POLR3B: variants seen among roughly 807,000 people sequenced by gnomAD.
POLR3B encodes the protein RNA polymerase III subunit B.
Under a neutral mutation model 147.4 loss-of-function variants are expected in POLR3B, and 96 were observed. The observed-to-expected ratio is 0.65, with a 90% CI of 0.55 to 0.77. The LOEUF is 0.77. Ranked by LOEUF, POLR3B falls within the 30% of genes least tolerant of loss-of-function variation. The pLI, the probability that POLR3B is intolerant of heterozygous loss-of-function variation, is 0.00. For synonymous variants in POLR3B, 461 were observed against 485.9 expected, an observed-to-expected ratio of 0.95 and a Z score of 0.67; for missense variants, 1,036 against 1,413.5, an observed-to-expected ratio of 0.73 and a Z score of 4.28.
intron 6 of POLR3B, among the ~76,000 whole-genome samples, chr12:106,375,103 C>T (rs961772026): frequency 1.3e-5 from 2 of 152,154 alleles, no homozygotes; most frequent in African/African-American, 2.4e-5. Context: ...ATACACAAAT[C>T]GAGGTTGGCA....
At chr12:106,436,983 C>A (rs148794163) in intron 16 of POLR3B, 74 bp from the exon 17 acceptor site, 75 of 1,139,908 alleles carry the variant, frequency 6.6e-5, no homozygotes, top group Non-Finnish European at 9.5e-5. Context: ...CCTCATCTCA[C>A]TTTGGTAAAC....
At chr12:106,367,506 T>C (rs2036551073) in intron 4 of POLR3B, among the ~76,000 whole-genome samples, 2 of 152,216 alleles carry the variant, frequency 1.3e-5, no homozygotes, top group African/African-American at 4.8e-5. Context: ...CTTAGTCTCC[T>C]CAATCTTTCT....
chr12:106,507,124 G>A lies in POLR3B; in HGVS notation c.3273-2296G>A, dbSNP rs75509525. On this transcript the variant is annotated intron_variant, in intron 27 of 27. Coordinates refer to ENST00000228347, the MANE Select transcript of POLR3B (RefSeq NM_018082.6). ...AGGTCCAAAAGGAAGACTTCAGGAA[G>A]AAGAAAATCCCTATTAAGGTAATTA... 1.2e-3 allele frequency among the ~76,000 whole-genome samples: 190 copies of A among 152,252 alleles called. 1 individual carries two copies. Among genetic ancestry groups the A allele is most frequent in the African/African-American group, 4.2e-3 (176 of 41,532 alleles).
chr12:106,463,371 A>G (rs928353444), intron 22 of POLR3B, 107 bp from the exon 23 acceptor site: 18 of 966,756 alleles, frequency 1.9e-5, no homozygotes, highest in Non-Finnish European at 2.9e-5. Flanking sequence ...CCAAGATGAA[A>G]ATGTCAGAAT....
At chr12:106,422,058 A>G (rs2037380466) in intron 12 of POLR3B, among the ~76,000 whole-genome samples, 2 of 152,168 alleles carry the variant, frequency 1.3e-5, no homozygotes, top group Admixed American at 6.6e-5. Context: ...CCATTTGTCA[A>G]CTTATCTAAC....
At chr12:106,468,158 A>T (rs537728621) in intron 23 of POLR3B, among the ~76,000 whole-genome samples, 5 of 152,272 alleles carry the variant, frequency 3.3e-5, no homozygotes, top group African/African-American at 1.2e-4. Flanking sequence ...CAGAGATTCA[A>T]CTTCTTCCTG....
intron 7 of POLR3B, among the ~76,000 whole-genome samples, chr12:106,377,268 T>G (rs1197344096): frequency 1.3e-5 from 2 of 152,248 alleles, no homozygotes; most frequent in African/African-American, 2.4e-5. Flanking sequence ...GTTCTTTAAC[T>G]CGTATTTCAC....
chr12:106,407,797 C>T (rs2037169380), intron 11 of POLR3B, among the ~76,000 whole-genome samples: 1 of 152,000 alleles, frequency 6.6e-6, no homozygotes, highest in South Asian at 2.1e-4. Flanking sequence ...CCATTGCACT[C>T]CAGCCTGGGC....
At chr12:106,365,092 G>A (rs868081422) in intron 2 of POLR3B, among the ~76,000 whole-genome samples, 28 of 151,990 alleles carry the variant, frequency 1.8e-4, no homozygotes, top group African/African-American at 6.5e-4. Flanking sequence ...CCGAGATCGC[G>A]CCACTGCACT....
At chr12:106,364,337 A>G (rs1188360875) in intron 2 of POLR3B, among the ~76,000 whole-genome samples, 1 of 152,236 alleles carries the variant, frequency 6.6e-6, no homozygotes, top group African/African-American at 2.4e-5. Context: ...GCTGCTGAAT[A>G]TGATATGATG....
At chr12:106,376,507 C>T (rs1050277118) in intron 7 of POLR3B, 57 bp downstream of exon 7, 15 of 1,214,872 alleles carry the variant, frequency 1.2e-5, no homozygotes, top group South Asian at 1.1e-4. Flanking sequence ...TCTGCTGCTG[C>T]TGTGGTTTTA....
At chr12:106,406,002 T>C in intron 11 of POLR3B, 26 bp downstream of exon 11, 1 of 1,612,388 alleles carries the variant, frequency 6.2e-7, no homozygotes, top group Non-Finnish European at 8.5e-7. Flanking sequence ...TTATTGTGAA[T>C]AAGGACTGTG....
intron 21 of POLR3B, among the ~76,000 whole-genome samples, chr12:106,458,224 T>A (rs6539270): frequency 6.6e-6 from 1 of 151,592 alleles, no homozygotes. Flanking sequence ...CAGACTCAAG[T>A]GATTCTCCCA....
At chr12:106,363,195 T>C (rs1318750603) in intron 1 of POLR3B, among the ~76,000 whole-genome samples, 1 of 152,180 alleles carries the variant, frequency 6.6e-6, no homozygotes, top group Non-Finnish European at 1.5e-5. Context: ...CACTTGTTAA[T>C]CTCTTCCTAG....
At chr12:106,472,869 G>T (rs371235409) in intron 23 of POLR3B, among the ~76,000 whole-genome samples, 3 of 134,670 alleles carry the variant, frequency 2.2e-5, no homozygotes, top group African/African-American at 9.9e-5. Flanking sequence ...TTAGTTTAAT[G>T]AGATCCCATT....
intron 23 of POLR3B, among the ~76,000 whole-genome samples, chr12:106,482,985 A>T (rs2038290072): frequency 1.3e-5 from 2 of 152,144 alleles, no homozygotes; most frequent in Non-Finnish European, 1.5e-5. Flanking sequence ...TCAACACCTA[A>T]GACTCATAGC....
intron 1 of POLR3B, among the ~76,000 whole-genome samples, chr12:106,361,682 C>T (rs1565871547): frequency 6.6e-6 from 1 of 152,212 alleles, no homozygotes; most frequent in Non-Finnish European, 1.5e-5. Flanking sequence ...CTAAACAACA[C>T]TTTCAAACAG....
rs999953206 is a variant in POLR3B at position 106,372,504 on chromosome 12, A to AT, written c.404+2831dup. ...AGGTGCCCGCCACCACGCCTGGCTA[A>AT]TTTTTTTTTTATTTTTAGTAGGGAC... On this transcript the variant is annotated intron_variant, in intron 6 of 27. Coordinates refer to ENST00000228347, the MANE Select transcript of POLR3B (RefSeq NM_018082.6). Among the ~76,000 whole-genome samples the AT allele has an allele frequency of 4.7e-3, 697 of 149,058 alleles. 6 individuals carry two copies. Among genetic ancestry groups the AT allele is most frequent in the African/African-American group, 0.016 (660 of 40,748 alleles).
chr12:106,378,983 C>T (rs1237710332), intron 8 of POLR3B, among the ~76,000 whole-genome samples: 2 of 152,124 alleles, frequency 1.3e-5, no homozygotes, highest in African/African-American at 2.4e-5. Flanking sequence ...TGTGAGAGTG[C>T]GGTAGTTTCC....
Sources: allele counts gnomAD v4.1 joint callset (sites outside exome capture counted in the v4.1 genomes callset), GRCh38; gene constraint gnomAD v4.1.1; transcripts MANE v1.5; gene names NCBI Gene and HGNC (gene_info 2026-07-23, HGNC 2026-07-21).